Variants in SLC45A2 observed in about 807,000 individuals in gnomAD.
The protein encoded by SLC45A2 is membrane-associated transporter protein.
In SLC45A2, 36 loss-of-function variants were observed where a neutral mutation model predicts 45.5. The ratio of observed to expected loss-of-function variants is 0.79; its 90% CI spans 0.61 to 1.04. The LOEUF is 1.04. Ranked by LOEUF, SLC45A2 falls within the 50% of genes least tolerant of loss-of-function variation. The probability of loss-of-function intolerance (pLI) is 0.00; values close to 1 mark genes in which losing one functional copy is unlikely to be tolerated. For missense variants in SLC45A2, 719 were observed against 671.0 expected, an observed-to-expected ratio of 1.07 and a Z score of -0.79; for synonymous variants, 306 against 269.3, an observed-to-expected ratio of 1.14 and a Z score of -1.33.
At chr5:33,973,070 T>C (rs3776551) in intron 2 of SLC45A2, among the ~76,000 whole-genome samples, 21,095 of 152,110 alleles carry the variant, frequency 0.14, 3,171 homozygotes, top group African/African-American at 0.37. Context: ...ACCTCTGTGA[T>C]GGGAGTCAGG....
Position 33,944,628 on chromosome 5 carries a change from G to A in SLC45A2, c.*20C>T. On this transcript the variant is annotated 3_prime_UTR_variant, in exon 7 of 7. Coordinates refer to ENST00000296589, the MANE Select transcript of SLC45A2 (RefSeq NM_016180.5). Reference sequence around the variant, plus strand: ...GTGCTTCACTGTCTCTGAGGTTAGGGTCATTGTCTCTTTATTGACCTAATC... The same window carrying A: ...GTGCTTCACTGTCTCTGAGGTTAGGATCATTGTCTCTTTATTGACCTAATC... 1 of 1,611,554 alleles carries A rather than the reference G, an allele frequency of 6.2e-7. No homozygotes were observed. Among genetic ancestry groups the A allele is most frequent in the Non-Finnish European group, 8.5e-7 (1 of 1,177,924 alleles).
chr5:33,963,134 C>T (rs1752496801), intron 3 of SLC45A2, among the ~76,000 whole-genome samples: 1 of 152,178 alleles, frequency 6.6e-6, no homozygotes, highest in Non-Finnish European at 1.5e-5. Context: ...TACTATATTG[C>T]TCAGCTTAAT....
At chr5:33,954,535 C>A in intron 3 of SLC45A2, 31 bp from the exon 4 acceptor site, 2 of 1,612,488 alleles carry the variant, frequency 1.2e-6, no homozygotes, top group Non-Finnish European at 8.5e-7. Flanking sequence ...GAGGTGTGAT[C>A]TTCACTGCAG....
intron 3 of SLC45A2, among the ~76,000 whole-genome samples, chr5:33,957,963 A>C (rs1300289687): frequency 6.6e-6 from 1 of 152,238 alleles, no homozygotes; most frequent in Non-Finnish European, 1.5e-5. Flanking sequence ...TTAACTCAGA[A>C]TAAAAACCCA....
chr5:33,945,899 G>T, intron 6 of SLC45A2: 1 of 919,588 alleles, frequency 1.1e-6, no homozygotes, highest in Non-Finnish European at 1.3e-6. Context: ...TAAAAATGCC[G>T]GAAAGATTAA....
chr5:33,980,888 T>C (rs1753055932), intron 2 of SLC45A2, among the ~76,000 whole-genome samples: 2 of 152,122 alleles, frequency 1.3e-5, no homozygotes, highest in African/African-American at 4.8e-5. Flanking sequence ...ATGAGAAATC[T>C]GAGTGGAATA....
At chr5:33,969,416 T>C (rs1445945815) in intron 2 of SLC45A2, among the ~76,000 whole-genome samples, 1 of 152,182 alleles carries the variant, frequency 6.6e-6, no homozygotes, top group Non-Finnish European at 1.5e-5. Flanking sequence ...AGATAATATA[T>C]TTAAAATATT....
intron 5 of SLC45A2, among the ~76,000 whole-genome samples, chr5:33,950,277 A>T (rs1312618070): frequency 6.6e-6 from 1 of 152,164 alleles, no homozygotes; most frequent in African/African-American, 2.4e-5. Context: ...TAAGCTGGAT[A>T]ATTTACTAGA....
At chr5:33,963,454 G>A (rs1752506188) in intron 3 of SLC45A2, among the ~76,000 whole-genome samples, 1 of 18,098 alleles carries the variant, frequency 5.5e-5, no homozygotes, top group South Asian at 3.4e-4. Context: ...ATCTTCCCTG[G>A]TTGGATGCTA....
chr5:33,973,254 T>C (rs1752836114), intron 2 of SLC45A2, among the ~76,000 whole-genome samples: 1 of 152,186 alleles, frequency 6.6e-6, no homozygotes. Context: ...TTGATCCCAT[T>C]TGAATGGAAA....
At chr5:33,958,104 C>T (rs902364587) in intron 3 of SLC45A2, among the ~76,000 whole-genome samples, 4 of 152,040 alleles carry the variant, frequency 2.6e-5, no homozygotes, top group African/African-American at 9.7e-5. Context: ...GATGAATTTA[C>T]AAGCGAAAAA....
chr5:33,956,846 T>A (rs1267837430), intron 3 of SLC45A2, among the ~76,000 whole-genome samples: 1 of 152,214 alleles, frequency 6.6e-6, no homozygotes, highest in Non-Finnish European at 1.5e-5. Flanking sequence ...GCTAAACGGC[T>A]GGTATCATTG....
At chr5:33,952,999 C>T (rs1225095224) in intron 4 of SLC45A2, among the ~76,000 whole-genome samples, 2 of 87,152 alleles carry the variant, frequency 2.3e-5, no homozygotes, top group African/African-American at 9.0e-5. Flanking sequence ...CAATTTCATC[C>T]ATGTCCCTAC....
At chr5:33,959,179 T>G (rs761673938) in intron 3 of SLC45A2, among the ~76,000 whole-genome samples, 3 of 152,184 alleles carry the variant, frequency 2.0e-5, no homozygotes, top group Non-Finnish European at 4.4e-5. Flanking sequence ...ATATTTCCTT[T>G]CCATTTTTTC....
intron 6 of SLC45A2, 173 bp downstream of exon 6, chr5:33,946,990 G>A (rs905186686): frequency 2.6e-5 from 41 of 1,561,626 alleles, no homozygotes; most frequent in Non-Finnish European, 3.5e-5. Context: ...GGGCTGGGCT[G>A]GGCTGGTGAG....
chr5:33,974,931 C>T (rs1375864632), intron 2 of SLC45A2, among the ~76,000 whole-genome samples: 1 of 150,798 alleles, frequency 6.6e-6, no homozygotes, highest in African/African-American at 2.5e-5. Context: ...CAAAACAAAG[C>T]ATATTGTATT....
At position 33,963,904 on chromosome 5, in the gene SLC45A2, C is replaced by A. The variant is rs1336235910; in HGVS notation, c.675G>T (p.Val225=). ...FQVMFFFSAL[V]LTLCFTVHLC... ...GATGAACAGTAAAACACAAAGTGAGCACCAATGCAGAGAAGAAGAACATGA... is the reference window on the plus strand; with the variant it reads ...GATGAACAGTAAAACACAAAGTGAGAACCAATGCAGAGAAGAAGAACATGA... Residue 225 remains valine, a synonymous_variant, in exon 3 of 7, where the codon GTG becomes GTT. Transcript: ENST00000296589. The A allele has an allele frequency of 6.2e-7, 1 of 1,614,116 alleles. No individual in the cohort carries two copies. The highest frequency in any genetic ancestry group is 1.1e-5 in the South Asian group (1 of 91,074).
chr5:33,963,237 A>G (rs1413224893), intron 3 of SLC45A2, among the ~76,000 whole-genome samples: 1 of 152,216 alleles, frequency 6.6e-6, no homozygotes, highest in African/African-American at 2.4e-5. Flanking sequence ...TGATGAATTC[A>G]CTGTGCAGTT....
In SLC45A2 at chr5:33,947,325, G is replaced by A. The variant is rs777763649; in HGVS notation, c.1206C>T (p.Phe402=). Residue 402 remains phenylalanine (F), a synonymous_variant, in exon 6 of 7, where the codon TTC becomes TTT. Transcript: ENST00000296589. ...VSYIGLKGLY[F]TGYLLFGLGT... Reference sequence around the variant, plus strand: ...CCAGGCCAAACAGCAAATATCCCGTGAAGTAAAGACCCTTTAATCCAATGT... The same window carrying A: ...CCAGGCCAAACAGCAAATATCCCGTAAAGTAAAGACCCTTTAATCCAATGT... 5 of 1,614,206 alleles carry A rather than the reference G, an allele frequency of 3.1e-6. No homozygotes were observed. In the Admixed American group the frequency reaches 8.3e-5, roughly 27 times the overall value.
Sources: gnomAD v4.1 joint callset for allele counts (sites outside exome capture counted in the v4.1 genomes callset) on GRCh38, gnomAD v4.1.1 for gene constraint, MANE v1.5 for transcripts, NCBI Gene and HGNC (gene_info 2026-07-23, HGNC 2026-07-21) for gene names.